The following DNMT3A variants were observed in gnomAD, a reference collection of about 807,000 sequenced individuals.
The protein encoded by DNMT3A is DNA (cytosine-5)-methyltransferase 3A.
Under a neutral mutation model 117.6 loss-of-function variants are expected in DNMT3A, and 267 were observed. The ratio of observed to expected loss-of-function variants is 2.27; its 90% CI spans 2.05 to 2.51. The LOEUF (loss-of-function observed/expected upper bound fraction) is 2.51. Ranked by LOEUF, DNMT3A falls within the 30% of genes most tolerant of loss-of-function variation. DNMT3A has a pLI of 0.00. For missense variants in DNMT3A, 1,029 were observed against 1,260.2 expected (o/e 0.82, Z 2.78); for synonymous variants, 432 against 474.8 (o/e 0.91, Z 1.17).
At chr2:25,278,130 T>C (rs975426847) in intron 4 of DNMT3A, among the ~76,000 whole-genome samples, 1 of 152,078 alleles carries the variant, frequency 6.6e-6, no homozygotes, top group African/African-American at 2.4e-5. Context: ...CAGTACGGCC[T>C]ATGCAGCCCA....
rs1672939629 is a variant in DNMT3A at position 25,232,807 on chromosome 2, T to A, written c.*1472A>T. On this transcript the variant is annotated 3_prime_UTR_variant, in exon 23 of 23. Transcript: ENST00000321117. The surrounding 1 kb of genome is among the most constrained non-coding windows in gnomAD (Gnocchi z 4.1). ...ATAATTATAACCAGAACCATAAGAA[T>A]AATTATAATAAAAGGTGTCATCAGC... The A allele has an allele frequency of 4.7e-6, 1 of 211,218 alleles. No homozygotes were observed. Among genetic ancestry groups the A allele is most frequent in the South Asian group, 1.9e-4 (1 of 5,320 alleles). 13.1% of individuals were successfully genotyped at this position (211,218 alleles called of 1,614,324 possible).
chr2:25,292,406 C>A (rs181476980), intron 3 of DNMT3A, among the ~76,000 whole-genome samples: 2 of 152,126 alleles, frequency 1.3e-5, no homozygotes, highest in Non-Finnish European at 2.9e-5. Flanking sequence ...AGATCCCATA[C>A]GTTAAGTAAA....
At chr2:25,319,919 G>A (rs970714058) in intron 1 of DNMT3A, among the ~76,000 whole-genome samples, 9 of 152,012 alleles carry the variant, frequency 5.9e-5, no homozygotes, top group African/African-American at 1.7e-4. Context: ...ACAGGCACCC[G>A]CCGCCATGCC....
rs143172728 is a variant in DNMT3A, at chr2:25,298,882, G to A, written c.177+1257C>T. 2.2e-3 allele frequency among the ~76,000 whole-genome samples: 337 copies of A among 151,970 alleles called. 1 individual carries two copies. The highest frequency in any genetic ancestry group is 3.5e-3 in the Non-Finnish European group (236 of 67,946). On this transcript the variant is annotated intron_variant, in intron 3 of 22. Transcript: ENST00000321117. The surrounding 1 kb of genome is among the most constrained non-coding windows in gnomAD (Gnocchi z 4.3). The stretch of plus-strand genomic sequence containing the variant: ...TCAAATCTTCAGGCAGAACTGGCAG[G>A]GGTGCATCTCAGTACACAGCAGGTT...
At position 25,247,187 on chromosome 2, in the gene DNMT3A, C is replaced by T. The variant is rs764042001; in HGVS notation, c.1015-29G>A. On this transcript the variant is annotated intron_variant, in intron 8 of 22. Transcript: ENST00000321117. This position sits in a 1 kb window ranked among gnomAD's most constrained non-coding sequence, Gnocchi z 5.6. ...GGGGGACAAGCCAGGCCTTGTTTGC[C>T]GAGGCTTACACTTGCAAGCACCCAC... is the stretch of plus-strand genomic sequence containing the variant. 79 of 1,608,302 alleles carry T rather than the reference C, an allele frequency of 4.9e-5. No homozygotes were observed. The highest frequency in any genetic ancestry group is 2.1e-4 in the South Asian group (19 of 90,196).
chr2:25,306,008 A>C lies in DNMT3A; in HGVS notation c.73-5765T>G, dbSNP rs143245298. On this transcript the variant is annotated intron_variant, in intron 2 of 22. Coordinates refer to ENST00000321117, the MANE Select transcript of DNMT3A (RefSeq NM_022552.5). The surrounding 1 kb of genome is among the most constrained non-coding windows in gnomAD (Gnocchi z 4.1). ...GCTACTTGCCCGGGCCCCCTGGGACAAGAAGCATGCCCAGCCTTTGCCAGC... is the reference window on the plus strand; with the variant it reads ...GCTACTTGCCCGGGCCCCCTGGGACCAGAAGCATGCCCAGCCTTTGCCAGC... Among the ~76,000 whole-genome samples the C allele has an allele frequency of 3.7e-3, 558 of 152,336 alleles. 4 individuals are homozygous for C. The highest frequency in any genetic ancestry group is 0.013 in the African/African-American group (543 of 41,582).
rs368148016 is a variant in DNMT3A at position 25,243,865 on chromosome 2, G to A, written c.1936+33C>T. ...CCTGGCTCCCCCATCCTGGGACAAG[G>A]CGGCCAGCACCTCTTGGGCCTGCAC... On this transcript the variant is annotated intron_variant, in intron 16 of 22. Coordinates refer to ENST00000321117, the MANE Select transcript of DNMT3A (RefSeq NM_022552.5). 19 of 1,551,190 alleles carry A rather than the reference G, an allele frequency of 1.2e-5. No homozygotes were observed. The African/African-American group carries it at 2.5e-4, about 20-fold the overall frequency.
chr2:25,291,365 T>G (rs1032574983), intron 3 of DNMT3A, among the ~76,000 whole-genome samples: 60 of 152,092 alleles, frequency 3.9e-4, no homozygotes, highest in African/African-American at 1.4e-3. Flanking sequence ...TCACCAGAGA[T>G]CTGATAGCAG....
At chr2:25,292,548 G>C (rs1350586383) in intron 3 of DNMT3A, among the ~76,000 whole-genome samples, 1 of 151,996 alleles carries the variant, frequency 6.6e-6, no homozygotes, top group Admixed American at 6.6e-5. Flanking sequence ...ATTTCTAATG[G>C]GTGTCCTCCC....
In DNMT3A at chr2:25,234,863, G is replaced by A. The variant is rs987581667; in HGVS notation, c.2598-443C>T. Reference sequence around the variant, plus strand: ...ATCCTCCCCATCAAGAGCAGGGAAGGCGAAAAAGGAGCCGAACTCCTGCCT... The same window carrying A: ...ATCCTCCCCATCAAGAGCAGGGAAGACGAAAAAGGAGCCGAACTCCTGCCT... On this transcript the variant is annotated intron_variant, in intron 22 of 22. Transcript: ENST00000321117. This position sits in a 1 kb window ranked among gnomAD's most constrained non-coding sequence, Gnocchi z 4.5. 1.3e-5 allele frequency among the ~76,000 whole-genome samples: 2 copies of A among 152,136 alleles called. No individual in the cohort carries two copies. Among genetic ancestry groups the A allele is most frequent in the African/African-American group, 4.8e-5 (2 of 41,412 alleles).
At chr2:25,332,384 G>A (rs1376832361) in intron 1 of DNMT3A, among the ~76,000 whole-genome samples, 1 of 152,126 alleles carries the variant, frequency 6.6e-6, no homozygotes, top group Admixed American at 6.5e-5. Context: ...CCCTGAATCC[G>A]ACTTCCTTCT....
Position 25,231,963 on chromosome 2 carries a change from G to C in DNMT3A, c.*2316C>G, listed in dbSNP as rs1296267200. 1 of 152,352 alleles carries C rather than the reference G, an allele frequency of 6.6e-6. No individual in the cohort carries two copies. Among genetic ancestry groups the C allele is most frequent in the Non-Finnish European group, 1.5e-5 (1 of 68,166 alleles). The allele number at this position is 152,352 out of a possible 1,614,324, so 9.4% of individuals were successfully genotyped here. The stretch of plus-strand genomic sequence containing the variant: ...CCCTGGCGTGTGTGTGTGTGTGTGA[G>C]TGCATTCATTATGCATCAGTACAGA... On this transcript the variant is annotated 3_prime_UTR_variant, in exon 23 of 23. Coordinates refer to ENST00000321117, the MANE Select transcript of DNMT3A (RefSeq NM_022552.5).
Position 25,252,432 on chromosome 2 carries a change from A to G in DNMT3A, c.640-4180T>C. On this transcript the variant is annotated intron_variant, in intron 6 of 22. Coordinates refer to ENST00000321117, the MANE Select transcript of DNMT3A (RefSeq NM_022552.5). This position sits in a 1 kb window ranked among gnomAD's most constrained non-coding sequence, Gnocchi z 5.5. ...CTGGTTGGCTGCGAGCGGCCCGGGG[A>G]GGGGGCCGGCGCTCCGACGCTGGCG... 2.4e-6 allele frequency: 1 copy of G among 425,152 alleles called. No individual in the cohort carries two copies. The highest frequency in any genetic ancestry group is 5.1e-5 in the South Asian group (1 of 19,582). 26.3% of individuals were successfully genotyped at this position (425,152 alleles called of 1,614,324 possible).
chr2:25,278,855 G>A (rs78878572), intron 4 of DNMT3A, among the ~76,000 whole-genome samples: 1,554 of 152,008 alleles, frequency 0.01, 16 homozygotes, highest in Non-Finnish European at 0.016. Context: ...TCTTCCTCCC[G>A]TGATCACACA....
chr2:25,303,883 C>T (rs972957374), intron 2 of DNMT3A, among the ~76,000 whole-genome samples: 6 of 152,236 alleles, frequency 3.9e-5, no homozygotes, highest in Admixed American at 3.9e-4. Context: ...TCCAAGGAAG[C>T]GTAGCAAGTG....
Position 25,285,511 on chromosome 2 carries a change from A to G in DNMT3A, c.178-2800T>C, listed in dbSNP as rs527936345. Among the ~76,000 whole-genome samples the G allele has an allele frequency of 1.4e-3, 210 of 152,354 alleles. 1 individual carries two copies. The highest frequency in any genetic ancestry group is 3.2e-4 in the Non-Finnish European group (22 of 68,020). ...GGGGCAGCTGGGCAGGCCTGCTTCC[A>G]GGAGGGAAGCACCCACAGAAAGCTG... On this transcript the variant is annotated intron_variant, in intron 3 of 22. Coordinates refer to ENST00000321117, the MANE Select transcript of DNMT3A (RefSeq NM_022552.5).
At chr2:25,326,030 TGTAAA>T (rs2034772325) in intron 1 of DNMT3A, among the ~76,000 whole-genome samples, 1 of 151,910 alleles carries the variant, frequency 6.6e-6, no homozygotes, top group Admixed American at 6.6e-5. Flanking sequence ...AGGTAGCAAG[TGTAAA>T]GTGTAGCCTT....
chr2:25,265,882 T>C (rs2030292026), intron 6 of DNMT3A, among the ~76,000 whole-genome samples: 2 of 152,052 alleles, frequency 1.3e-5, no homozygotes, highest in Admixed American at 1.3e-4. Flanking sequence ...AAGCTAATGC[T>C]CCTGGCATAG....
chr2:25,234,555 C>A lies in DNMT3A; in HGVS notation c.2598-135G>T. 9.9e-7 allele frequency: 1 copy of A among 1,007,558 alleles called. No homozygotes were observed. The highest frequency in any genetic ancestry group is 1.4e-6 in the Non-Finnish European group (1 of 709,972). The allele number at this position is 1,007,558 out of a possible 1,614,324, so 62.4% of individuals were successfully genotyped here. A position where few individuals can be genotyped will look rare whatever the true frequency, so the allele number is the denominator to read the frequency against. On this transcript the variant is annotated intron_variant, in intron 22 of 22. Transcript: ENST00000321117. This position sits in a 1 kb window ranked among gnomAD's most constrained non-coding sequence, Gnocchi z 4.5. Reference sequence around the variant, plus strand: ...CAGGGACAGGGGCACTCACACCCACCAACTCCTCTGACGCCTGCTTAGTTC... The same window carrying A: ...CAGGGACAGGGGCACTCACACCCACAAACTCCTCTGACGCCTGCTTAGTTC...
Sources: allele counts gnomAD v4.1 joint callset (sites outside exome capture counted in the v4.1 genomes callset), GRCh38; gene constraint gnomAD v4.1.1; non-coding constraint Gnocchi (gnomAD v3.1); transcripts MANE v1.5; gene names NCBI Gene and HGNC (gene_info 2026-07-23, HGNC 2026-07-21).